The following SPTB variants were observed in gnomAD, a reference collection of about 807,000 sequenced individuals.
SPTB encodes the protein spectrin beta chain, erythrocytic.
SPTB carries 45 observed loss-of-function variants against 256.2 expected under a neutral mutation model. The ratio of observed to expected loss-of-function variants is 0.18; its 90% CI spans 0.14 to 0.23. SPTB has a LOEUF of 0.23. Ranked by LOEUF, SPTB falls within the 10% of genes least tolerant of loss-of-function variation. The pLI is 1.00. For synonymous variants in SPTB, 1,231 were observed against 1,243.1 expected, an observed-to-expected ratio of 0.99 and a Z score of 0.21; for missense variants, 2,715 against 3,040.4, an observed-to-expected ratio of 0.89 and a Z score of 2.52.
Position 64,845,695 on chromosome 14 carries a change from C to A in SPTB, c.-51-22550G>T, listed in dbSNP as rs569340937. ...CCAGCCTTTGACAATAGGAAATTAT[C>A]ATGTTTTAGGGATTAGAAGTTTCCC... On this transcript the variant is annotated intron_variant, in intron 1 of 35. Transcript: ENST00000644917. This position sits in a 1 kb window ranked among gnomAD's most constrained non-coding sequence, Gnocchi z 4.8. Among the ~76,000 whole-genome samples the A allele has an allele frequency of 2.0e-5, 3 of 152,322 alleles. No homozygotes were observed. In the East Asian group the frequency reaches 5.8e-4, roughly 29 times the overall value.
In SPTB at chr14:64,792,990, C is replaced by A. The variant is rs1267722499; in HGVS notation, c.2666+7G>T. Reference sequence around the variant, plus strand: ...GGGACGTGAGGAAAAGATGAGTTAACTCTGACCTGTGCTGCACGACCTCCA... The same window carrying A: ...GGGACGTGAGGAAAAGATGAGTTAAATCTGACCTGTGCTGCACGACCTCCA... On this transcript the variant is annotated splice_region_variant and intron_variant, in intron 14 of 35. Transcript: ENST00000644917. This position sits in a 1 kb window ranked among gnomAD's most constrained non-coding sequence, Gnocchi z 4.2. 1.2e-6 allele frequency: 2 copies of A among 1,613,776 alleles called. No homozygotes were observed. The highest frequency in any genetic ancestry group is 1.7e-6 in the Non-Finnish European group (2 of 1,180,048).
chr14:64,878,238 C>A (rs892787552), intron 1 of SPTB, among the ~76,000 whole-genome samples: 4 of 152,172 alleles, frequency 2.6e-5, no homozygotes, highest in African/African-American at 9.6e-5. Flanking sequence ...TATAAATGAC[C>A]CACCTCTGGA....
At chr14:64,875,495 G>A (rs1392873785) in intron 1 of SPTB, among the ~76,000 whole-genome samples, 2 of 152,148 alleles carry the variant, frequency 1.3e-5, no homozygotes, top group African/African-American at 2.4e-5. Flanking sequence ...TGCCTCCTAC[G>A]CTCTTCCTCA....
At chr14:64,864,223 A>G (rs1223875557) in intron 1 of SPTB, among the ~76,000 whole-genome samples, 5 of 152,172 alleles carry the variant, frequency 3.3e-5, no homozygotes, top group African/African-American at 1.2e-4. Flanking sequence ...TTGGGAGGCC[A>G]AGGTGGGAGG....
At chr14:64,782,673 G>A (rs2082493246) in intron 19 of SPTB, 120 bp from the exon 20 acceptor site, 6 of 1,447,162 alleles carry the variant, frequency 4.1e-6, no homozygotes, top group Non-Finnish European at 5.7e-6. Context: ...AATCTTCATA[G>A]AACATGGGTA....
chr14:64,843,211 T>C (rs1018205826), intron 1 of SPTB, among the ~76,000 whole-genome samples: 17 of 152,334 alleles, frequency 1.1e-4, no homozygotes, highest in African/African-American at 3.8e-4. Context: ...AGGTTTCTGA[T>C]GAAAACAAAT....
chr14:64,768,594 C>T (rs1381450878), intron 29 of SPTB, among the ~76,000 whole-genome samples: 1 of 152,034 alleles, frequency 6.6e-6, no homozygotes, highest in Non-Finnish European at 1.5e-5. Context: ...CGGTTCTGTG[C>T]TTGACATTCC....
intron 1 of SPTB, among the ~76,000 whole-genome samples, chr14:64,835,438 G>A (rs913113453): frequency 3.3e-5 from 5 of 152,156 alleles, no homozygotes; most frequent in African/African-American, 4.8e-5. Context: ...TAGAGACGGG[G>A]TTTCACTATG....
At chr14:64,753,513 G>A in intron 33 of SPTB, 24 bp downstream of exon 33, 1 of 1,612,862 alleles carries the variant, frequency 6.2e-7, no homozygotes, top group South Asian at 1.1e-5. Context: ...CCTACCCTCA[G>A]CCAGCAGCCT....
In SPTB at chr14:64,774,458, G is replaced by A. The variant is rs368063704; in HGVS notation, c.4912C>T (p.Arg1638Trp). The change falls in exon 24 of 36, where the codon CGG (arginine) becomes TGG (tryptophan). Residue 1638 changes from arginine to tryptophan, a missense_variant. Transcript: ENST00000644917. Reference sequence around the variant, plus strand: ...CGGCTGGCCAGCTGCTTGATGTTCCGGCCGTAGTCCTCCACCGCACGCTGC... The same window carrying A: ...CGGCTGGCCAGCTGCTTGATGTTCCAGCCGTAGTCCTCCACCGCACGCTGC... ...RQQRAVEDYG[R>W]NIKQLASRAQ... The A allele has an allele frequency of 7.6e-5, 119 of 1,564,750 alleles. No individual in the cohort carries two copies. The highest frequency in any genetic ancestry group is 1.7e-4 in the Middle Eastern group (1 of 6,002).
At position 64,866,971 on chromosome 14, in the gene SPTB, T is replaced by A. The variant is rs900333150; in HGVS notation, c.-52+12821A>T. 6.6e-5 allele frequency among the ~76,000 whole-genome samples: 10 copies of A among 152,206 alleles called. No homozygotes were observed. The highest frequency in any genetic ancestry group is 2.4e-4 in the African/African-American group (10 of 41,454). On this transcript the variant is annotated intron_variant, in intron 1 of 35. Coordinates refer to ENST00000644917, the MANE Select transcript of SPTB (RefSeq NM_001355436.2). This position sits in a 1 kb window ranked among gnomAD's most constrained non-coding sequence, Gnocchi z 4.6. ...CTCAAAGAGCCTTTCATAGCTGCAT[T>A]CTGAGGGTCAGCTTCAAACATTCAC...
In SPTB at chr14:64,770,887, G is replaced by A; in HGVS notation, c.5796C>T (p.Pro1932=). Residue 1932 remains proline, a splice_region_variant and synonymous_variant, in exon 27 of 36, where the codon CCC becomes CCT. Coordinates refer to ENST00000644917, the MANE Select transcript of SPTB (RefSeq NM_001355436.2). ...IIRQIETQER[P]RDVSSVELLM... Reference sequence around the variant, plus strand: ...TGCCTCAAGGACACTCCCCTCACCTGGGCCTCTCCTGGGTCTCGATCTGCC... The same window carrying A: ...TGCCTCAAGGACACTCCCCTCACCTAGGCCTCTCCTGGGTCTCGATCTGCC... 1.9e-6 allele frequency: 3 copies of A among 1,614,034 alleles called. No individual in the cohort carries two copies. Among genetic ancestry groups the A allele is most frequent in the Non-Finnish European group, 2.5e-6 (3 of 1,180,012 alleles).
intron 32 of SPTB, among the ~76,000 whole-genome samples, chr14:64,763,039 C>T (rs560149071): frequency 4.6e-5 from 7 of 152,340 alleles, no homozygotes; most frequent in Admixed American, 6.5e-5. Context: ...CAGGAAGATG[C>T]GCAGGGCTGT....
At chr14:64,750,591 C>T (rs183973606) in intron 33 of SPTB, among the ~76,000 whole-genome samples, 33 of 151,986 alleles carry the variant, frequency 2.2e-4, no homozygotes, top group African/African-American at 7.2e-4. Flanking sequence ...GCCTGGCAAA[C>T]GTGGTAAAAC....
intron 32 of SPTB, among the ~76,000 whole-genome samples, chr14:64,765,007 G>A (rs557541663): frequency 3.0e-3 from 383 of 126,488 alleles, no homozygotes; most frequent in Non-Finnish European, 4.3e-3. Flanking sequence ...CAGGCTGGAG[G>A]CCACAGAGGA....
intron 32 of SPTB, chr14:64,757,437 T>C (rs2139442689): frequency 6.6e-6 from 1 of 152,354 alleles, no homozygotes; most frequent in Admixed American, 6.5e-5. Context: ...GCTATGCCAG[T>C]GCGATCAAAA....
intron 1 of SPTB, among the ~76,000 whole-genome samples, chr14:64,834,733 T>TA (rs2083496876): frequency 6.6e-6 from 1 of 152,296 alleles, no homozygotes; most frequent in African/African-American, 2.4e-5. Context: ...CCCGAATCTC[T>TA]ACAAATCTTG....
At chr14:64,753,070 GC>G (rs1487083749) in intron 33 of SPTB, among the ~76,000 whole-genome samples, 1 of 152,172 alleles carries the variant, frequency 6.6e-6, no homozygotes. Context: ...CCATTTTACA[GC>G]TGAGGACACC....
rs1440833990 is a variant in SPTB, at chr14:64,778,256, G to A, written c.4563+901C>T. 6.6e-6 allele frequency among the ~76,000 whole-genome samples: 1 copy of A among 152,192 alleles called. No homozygotes were observed. The highest frequency in any genetic ancestry group is 1.5e-5 in the Non-Finnish European group (1 of 68,028). On this transcript the variant is annotated intron_variant, in intron 22 of 35. Transcript: ENST00000644917. The surrounding 1 kb of genome is among the most constrained non-coding windows in gnomAD (Gnocchi z 5.2). ...TGCTGCTGGGCTCACATGGTCCTGT[G>A]AGCAGATGTCAGCTGCTGCCAAGCT...
Sources: allele counts gnomAD v4.1 joint callset (sites outside exome capture counted in the v4.1 genomes callset), GRCh38; gene constraint gnomAD v4.1.1; non-coding constraint Gnocchi (gnomAD v3.1); transcripts MANE v1.5; gene names NCBI Gene and HGNC (gene_info 2026-07-23, HGNC 2026-07-21).